The following POLR2D variants were observed in gnomAD, a reference collection of about 807,000 sequenced individuals.
The protein encoded by POLR2D is DNA-directed RNA polymerase II subunit RPB4.
A neutral mutation model predicts 17.6 loss-of-function variants in POLR2D; 10 were observed. The observed-to-expected ratio is 0.57, with a 90% CI of 0.35 to 0.96. POLR2D has a LOEUF of 0.96. Among genes scored for constraint, POLR2D ranks in the 40% least tolerant of loss-of-function variants. The probability of loss-of-function intolerance (pLI) is 0.02; values close to 1 mark genes in which losing one functional copy is unlikely to be tolerated. For synonymous variants in POLR2D, 52 were observed against 60.2 expected (o/e 0.86, Z 0.63); for missense variants, 126 against 176.4 (o/e 0.71, Z 1.62).
Position 127,852,169 on chromosome 2 carries a change from T to C in POLR2D, c.254+756A>G, listed in dbSNP as rs1224271898. On this transcript the variant is annotated intron_variant, in intron 2 of 3. Transcript: ENST00000272645. This position sits in a 1 kb window ranked among gnomAD's most constrained non-coding sequence, Gnocchi z 4.0. ...AGACCAGCCTGGACAACATAGTAAG[T>C]CTCCCCATCTCTAAAAAAAATAACA... Among the ~76,000 whole-genome samples the C allele has an allele frequency of 6.6e-6, 1 of 152,000 alleles. No individual in the cohort carries two copies. Among genetic ancestry groups the C allele is most frequent in the African/African-American group, 2.4e-5 (1 of 41,386 alleles).
intron 1 of POLR2D, among the ~76,000 whole-genome samples, chr2:127,854,936 G>C (rs1039763613): frequency 1.4e-5 from 2 of 147,740 alleles, no homozygotes; most frequent in African/African-American, 5.1e-5. Context: ...TAGAGGAAAA[G>C]GCATTATGTA....
In POLR2D at chr2:127,850,731, A is replaced by G. The variant is rs568470543; in HGVS notation, c.255-46T>C. The G allele has an allele frequency of 5.2e-4, 484 of 933,808 alleles. 8 individuals carry two copies. The East Asian group carries it at 0.011, about 22-fold the overall frequency. The allele number at this position is 933,808 out of a possible 1,614,324, so 57.8% of individuals were successfully genotyped here. On this transcript the variant is annotated intron_variant, in intron 2 of 3. Coordinates refer to ENST00000272645, the MANE Select transcript of POLR2D (RefSeq NM_004805.4). ...AAAATCAAAATAATCAAAAACAAATAAACAACAAAAATCAAAGAGTAATCA... is the reference window on the plus strand; with the variant it reads ...AAAATCAAAATAATCAAAAACAAATGAACAACAAAAATCAAAGAGTAATCA...
At chr2:127,850,035 T>C (rs1690225003) in intron 3 of POLR2D, among the ~76,000 whole-genome samples, 1 of 152,218 alleles carries the variant, frequency 6.6e-6, no homozygotes, top group African/African-American at 2.4e-5. Flanking sequence ...TCCAAAATGA[T>C]TGTTCTAATT....
chr2:127,850,180 C>T (rs1335690873), intron 3 of POLR2D, among the ~76,000 whole-genome samples: 1 of 152,134 alleles, frequency 6.6e-6, no homozygotes, highest in Non-Finnish European at 1.5e-5. Flanking sequence ...GTGGCTCACG[C>T]CTGTAATCCC....
At chr2:127,853,640 C>T (rs1307577859) in intron 1 of POLR2D, among the ~76,000 whole-genome samples, 1 of 152,076 alleles carries the variant, frequency 6.6e-6, no homozygotes, top group Non-Finnish European at 1.5e-5. Flanking sequence ...GCAGCCTTGA[C>T]CTCCCTGAGC....
Position 127,852,809 on chromosome 2 carries a change from C to T in POLR2D, c.254+116G>A, listed in dbSNP as rs1278129472. The T allele has an allele frequency of 9.1e-6, 7 of 772,186 alleles. No homozygotes were observed. The African/African-American group carries it at 1.0e-4, about 12-fold the overall frequency. 47.8% of individuals were successfully genotyped at this position (772,186 alleles called of 1,614,324 possible). ...GCTGGGTGTGAGCCACCATGCCCAG[C>T]CTAACATTATTTTACTTAAATTCAC... On this transcript the variant is annotated intron_variant, in intron 2 of 3. Transcript: ENST00000272645. The surrounding 1 kb of genome is among the most constrained non-coding windows in gnomAD (Gnocchi z 4.0).
rs1690111397 is a variant in POLR2D, at chr2:127,844,107, C to CAAAAATAAAAAAAAAAAAA, written c.*3999_*4000insTTTTTTTTTTTTTATTTTT. 1.4e-5 allele frequency: 1 copy of CAAAAATAAAAAAAAAAAAA among 69,478 alleles called. No individual in the cohort carries two copies. Among genetic ancestry groups the CAAAAATAAAAAAAAAAAAA allele is most frequent in the Non-Finnish European group, 2.6e-5 (1 of 38,374 alleles). The allele number at this position is 69,478 out of a possible 1,614,324, so 4.3% of individuals were successfully genotyped here. Reference sequence around the variant, plus strand: ...CGACAGAGCAAGATCCTGCTGTATCCAAAAAAAAAAAAAAAAAAAGCCTGG... The same window carrying CAAAAATAAAAAAAAAAAAA: ...CGACAGAGCAAGATCCTGCTGTATCCAAAAATAAAAAAAAAAAAAAAAAAAAAAAAAAAAAAAAGCCTGG... On this transcript the variant is annotated 3_prime_UTR_variant, in exon 4 of 4. Transcript: ENST00000272645.
At chr2:127,851,141 G>C (rs957492123) in intron 2 of POLR2D, among the ~76,000 whole-genome samples, 1 of 152,204 alleles carries the variant, frequency 6.6e-6, no homozygotes, top group South Asian at 2.1e-4. Context: ...GCTTGAACCC[G>C]GGAGGCGGAG....
chr2:127,857,192 T>C, intron 1 of POLR2D: 1 of 152,218 alleles, frequency 6.6e-6, no homozygotes, highest in African/African-American at 2.4e-5. Context: ...GGCGTGCATC[T>C]GTGGTCTCAG....
rs1690121219 is a variant in POLR2D at position 127,844,626 on chromosome 2, C to G, written c.*3481G>C. 6.6e-6 allele frequency: 1 copy of G among 152,098 alleles called. No individual in the cohort carries two copies. Among genetic ancestry groups the G allele is most frequent in the Non-Finnish European group, 1.5e-5 (1 of 68,014 alleles). 9.4% of individuals were successfully genotyped at this position (152,098 alleles called of 1,614,324 possible). On this transcript the variant is annotated 3_prime_UTR_variant, in exon 4 of 4. Transcript: ENST00000272645. ...CTACAACAGCATGAGGTTGCTTTAC[C>G]AAGTTCCCTAGTATGAGCTGCTTTT...
At position 127,846,273 on chromosome 2, in the gene POLR2D, A is replaced by G. The variant is rs1690153466; in HGVS notation, c.*1834T>C. The G allele has an allele frequency of 6.6e-6, 1 of 150,900 alleles. No individual in the cohort carries two copies. The highest frequency in any genetic ancestry group is 1.5e-5 in the Non-Finnish European group (1 of 68,030). The allele number at this position is 150,900 out of a possible 1,614,324, so 9.3% of individuals were successfully genotyped here. ...AAAAAATAAATAAATAAATAAAAAT[A>G]AGAATTTTTTATTCTTGCCTTATTT... On this transcript the variant is annotated 3_prime_UTR_variant, in exon 4 of 4. Coordinates refer to ENST00000272645, the MANE Select transcript of POLR2D (RefSeq NM_004805.4).
rs975905042 is a variant in POLR2D at position 127,844,687 on chromosome 2, CTT to C, written c.*3418_*3419del. 6.6e-6 allele frequency: 1 copy of C among 152,054 alleles called. No individual in the cohort carries two copies. Among genetic ancestry groups the C allele is most frequent in the African/African-American group, 2.4e-5 (1 of 41,378 alleles). 9.4% of individuals were successfully genotyped at this position (152,054 alleles called of 1,614,324 possible). A position where few individuals can be genotyped will look rare whatever the true frequency, so the allele number is the denominator to read the frequency against. ...TTTTTTTTCAAGATGGAGTCTCGCTCTTGTTGCCCAGGCTGGAGTGCAATGGC... is the reference window on the plus strand; with the variant it reads ...TTTTTTTTCAAGATGGAGTCTCGCTCGTTGCCCAGGCTGGAGTGCAATGGC... On this transcript the variant is annotated 3_prime_UTR_variant, in exon 4 of 4. Coordinates refer to ENST00000272645, the MANE Select transcript of POLR2D (RefSeq NM_004805.4).
chr2:127,854,329 T>C (rs1690296350), intron 1 of POLR2D, among the ~76,000 whole-genome samples: 1 of 152,216 alleles, frequency 6.6e-6, no homozygotes, highest in African/African-American at 2.4e-5. Context: ...CTCAAAGTAT[T>C]AGAGATAGTT....
In POLR2D at chr2:127,848,440, C is replaced by T. The variant is rs1229911569; in HGVS notation, c.351-255G>A. ...TTTTCTTTTTTTTGAGATGGAGTTT[C>T]GCTCTTGCCTCTTAGGCTAGAGTGA... On this transcript the variant is annotated intron_variant, in intron 3 of 3. Coordinates refer to ENST00000272645, the MANE Select transcript of POLR2D (RefSeq NM_004805.4). Among the ~76,000 whole-genome samples, 8 of 150,904 alleles carry T rather than the reference C, an allele frequency of 5.3e-5. No individual in the cohort carries two copies. In the South Asian group the frequency reaches 6.3e-4, roughly 12 times the overall value.
chr2:127,855,989 G>A (rs2856460), intron 1 of POLR2D, among the ~76,000 whole-genome samples: 57 of 152,180 alleles, frequency 3.7e-4, no homozygotes, highest in African/African-American at 1.3e-3. Flanking sequence ...ACGTCATTAC[G>A]ACCATTAATA....
Position 127,850,440 on chromosome 2 carries a change from CAAAAAAAAAAAA to C in POLR2D, c.350+138_350+149del, listed in dbSNP as rs60975701. The C allele has an allele frequency of 2.9e-4, 31 of 108,476 alleles. 1 individual carries two copies. The highest frequency in any genetic ancestry group is 1.9e-3 in the African/African-American group (26 of 13,366). 6.7% of individuals were successfully genotyped at this position (108,476 alleles called of 1,614,324 possible). A position where few individuals can be genotyped will look rare whatever the true frequency, so the allele number is the denominator to read the frequency against. ...GGGCAACAAGAGCGAAACTCCGTCT[CAAAAAAAAAAAA>C]AAAAAAAAAAAAGGCACTTTCATTC... On this transcript the variant is annotated intron_variant, in intron 3 of 3. Coordinates refer to ENST00000272645, the MANE Select transcript of POLR2D (RefSeq NM_004805.4).
Position 127,848,555 on chromosome 2 carries a change from C to T in POLR2D, c.351-370G>A, listed in dbSNP as rs536545866. 7.0e-4 allele frequency among the ~76,000 whole-genome samples: 106 copies of T among 152,152 alleles called. 1 individual carries two copies. The highest frequency in any genetic ancestry group is 5.8e-4 in the East Asian group (3 of 5,172). ...CCTACCAAACGGAGTCTTGCTCTGTCGCCCAGGCTGGAGTGCAGTGGCGCA... is the reference window on the plus strand; with the variant it reads ...CCTACCAAACGGAGTCTTGCTCTGTTGCCCAGGCTGGAGTGCAGTGGCGCA... On this transcript the variant is annotated intron_variant, in intron 3 of 3. Transcript: ENST00000272645.
In POLR2D at chr2:127,847,487, T is replaced by A. The variant is rs1690175838; in HGVS notation, c.*620A>T. 1 of 153,242 alleles carries A rather than the reference T, an allele frequency of 6.5e-6. No homozygotes were observed. The highest frequency in any genetic ancestry group is 2.4e-5 in the African/African-American group (1 of 41,486). The allele number at this position is 153,242 out of a possible 1,614,324, so 9.5% of individuals were successfully genotyped here. A position where few individuals can be genotyped will look rare whatever the true frequency, so the allele number is the denominator to read the frequency against. ...AGTAAAACCCCACCTCTATAAAAAA[T>A]TTTAAAAATTAGCTGAGAGTTGTGG... On this transcript the variant is annotated 3_prime_UTR_variant, in exon 4 of 4. Transcript: ENST00000272645.
chr2:127,854,853 A>G (rs1472753726), intron 1 of POLR2D, among the ~76,000 whole-genome samples: 1 of 152,118 alleles, frequency 6.6e-6, no homozygotes. Context: ...GTATACCAGG[A>G]AAGTTACCTC....
Sources: allele counts gnomAD v4.1 joint callset (sites outside exome capture counted in the v4.1 genomes callset), GRCh38; gene constraint gnomAD v4.1.1; non-coding constraint Gnocchi (gnomAD v3.1); transcripts MANE v1.5; gene names NCBI Gene and HGNC (gene_info 2026-07-23, HGNC 2026-07-21).